HDAC8: variants seen among roughly 807,000 people sequenced by gnomAD.
The protein encoded by HDAC8 is histone deacetylase-like 1.
HDAC8 carries 1 observed loss-of-function variant against 32.2 expected under a neutral mutation model. The ratio of observed to expected loss-of-function variants is 0.03; its 90% CI spans 0.01 to 0.15. The LOEUF (loss-of-function observed/expected upper bound fraction) is 0.15. Among genes scored for constraint, HDAC8 ranks in the 10% least tolerant of loss-of-function variants. The pLI, the probability that HDAC8 is intolerant of heterozygous loss-of-function variation, is 1.00. For missense variants in HDAC8, 117 were observed against 300.0 expected, an observed-to-expected ratio of 0.39 and a Z score of 4.51; for synonymous variants, 108 against 113.9, an observed-to-expected ratio of 0.95 and a Z score of 0.33.
At chrX:72,557,656 G>A (rs782137271) in intron 4 of HDAC8, among the ~76,000 whole-genome samples, 1 of 110,732 alleles carries the variant, frequency 9.0e-6, no homozygotes, top group South Asian at 3.9e-4. Context: ...GACAATCTAA[G>A]GGCACACCTC....
At chrX:72,499,180 T>G (rs1266379428) in intron 4 of HDAC8, among the ~76,000 whole-genome samples, 1 of 111,667 alleles carries the variant, frequency 9.0e-6, no homozygotes, top group Non-Finnish European at 1.9e-5. Flanking sequence ...GCCAAATACC[T>G]CTTTTCTTTA....
rs2051420361 is a variant in HDAC8 at position 72,559,394 on chromosome X, T to C, written c.437+8495A>G. 2.7e-5 allele frequency among the ~76,000 whole-genome samples: 3 copies of C among 110,193 alleles called. No individual in the cohort carries two copies. In the South Asian group the frequency reaches 1.2e-3, roughly 44 times the overall value. ...GTGCTCAATGTTGCCCAGGCTGGAG[T>C]GCAGTGGCGTGATCTCTGCTCGCTA... On this transcript the variant is annotated intron_variant, in intron 4 of 10. Transcript: ENST00000373573.
chrX:72,330,037 T>G lies in HDAC8; in HGVS notation c.*17A>C. The G allele has an allele frequency of 8.3e-7, 1 of 1,202,209 alleles. No homozygotes were observed. The highest frequency in any genetic ancestry group is 1.1e-6 in the Non-Finnish European group (1 of 886,759). ...GCACCACTCCTCAGCTCTGGAAACC[T>G]GATCTCTTTCTGTCAACTAGACCAC... On this transcript the variant is annotated 3_prime_UTR_variant, in exon 11 of 11. Transcript: ENST00000373573.
chrX:72,395,113 T>C (rs2045725437), intron 9 of HDAC8, among the ~76,000 whole-genome samples: 1 of 112,123 alleles, frequency 8.9e-6, no homozygotes. Flanking sequence ...GGGAAAAAAG[T>C]GCTAAGAGCA....
At chrX:72,521,415 C>A (rs1210064996) in intron 4 of HDAC8, among the ~76,000 whole-genome samples, 3 of 111,330 alleles carry the variant, frequency 2.7e-5, no homozygotes, top group African/African-American at 9.8e-5. Flanking sequence ...GCAAGCAATG[C>A]ATGCCAGTGG....
At chrX:72,386,336 A>G (rs1240523599) in intron 9 of HDAC8, among the ~76,000 whole-genome samples, 3 of 112,156 alleles carry the variant, frequency 2.7e-5, no homozygotes, top group African/African-American at 9.7e-5. Context: ...ATCATGGTGA[A>G]AATGAACTGG....
chrX:72,411,587 C>T (rs1240713427), intron 9 of HDAC8, among the ~76,000 whole-genome samples: 1 of 111,562 alleles, frequency 9.0e-6, no homozygotes, highest in Non-Finnish European at 1.9e-5. Context: ...CTCTAGTATC[C>T]AGCAAATAGT....
rs782355285 is a variant in HDAC8 at position 72,408,748 on chromosome X, T to C, written c.1005+53256A>G. Among the ~76,000 whole-genome samples, 31 of 111,200 alleles carry C rather than the reference T, an allele frequency of 2.8e-4. 1 individual carries two copies. Among genetic ancestry groups the C allele is most frequent in the African/African-American group, 9.2e-4 (28 of 30,565 alleles). On this transcript the variant is annotated intron_variant, in intron 9 of 10. Coordinates refer to ENST00000373573, the MANE Select transcript of HDAC8 (RefSeq NM_018486.3). ...AGCAGAGAAAACATCCAATGTAAAA[T>C]ATGAAAGTGGGGGTATGCCAGGTAT... is the stretch of plus-strand genomic sequence containing the variant.
chrX:72,428,116 C>T (rs1214403989), intron 9 of HDAC8, among the ~76,000 whole-genome samples: 1 of 110,933 alleles, frequency 9.0e-6, no homozygotes, highest in Non-Finnish European at 1.9e-5. Flanking sequence ...TTTTTTGAGA[C>T]GGAGTCTCGC....
At chrX:72,567,560 G>T in intron 4 of HDAC8, 1 of 447,009 alleles carries the variant, frequency 2.2e-6, no homozygotes. Flanking sequence ...CTAGAAAGCC[G>T]AAAAGGAATT....
chrX:72,555,795 C>T (rs942588335), intron 4 of HDAC8, among the ~76,000 whole-genome samples: 4 of 112,212 alleles, frequency 3.6e-5, no homozygotes, highest in Non-Finnish European at 5.6e-5. Flanking sequence ...GTGTTTCCAA[C>T]GAAGAAGATA....
At chrX:72,502,294 T>A (rs1175493367) in intron 4 of HDAC8, among the ~76,000 whole-genome samples, 2 of 111,898 alleles carry the variant, frequency 1.8e-5, no homozygotes, top group African/African-American at 6.5e-5. Context: ...GGAATATAAA[T>A]CATTCTACTA....
At chrX:72,385,525 GA>G (rs1443044461) in intron 9 of HDAC8, among the ~76,000 whole-genome samples, 1 of 110,825 alleles carries the variant, frequency 9.0e-6, no homozygotes, top group Admixed American at 9.6e-5. Flanking sequence ...AAAGCACAAA[GA>G]AAAAAGATCA....
intron 7 of HDAC8, among the ~76,000 whole-genome samples, chrX:72,480,228 C>A (rs1356565118): frequency 2.7e-5 from 3 of 112,685 alleles, no homozygotes; most frequent in Admixed American, 9.4e-5. Flanking sequence ...AATGAATTAG[C>A]AGCTTCTGTT....
At chrX:72,435,155 T>C (rs2046914733) in intron 9 of HDAC8, among the ~76,000 whole-genome samples, 1 of 111,794 alleles carries the variant, frequency 8.9e-6, no homozygotes, top group African/African-American at 3.3e-5. Context: ...TTTAAGGGTA[T>C]TGGAGAATAA....
At chrX:72,557,659 C>A (rs782802944) in intron 4 of HDAC8, among the ~76,000 whole-genome samples, 76 of 110,893 alleles carry the variant, frequency 6.9e-4, no homozygotes, top group African/African-American at 2.5e-3. Context: ...AATCTAAGGG[C>A]ACACCTCATG....
intron 9 of HDAC8, among the ~76,000 whole-genome samples, chrX:72,359,736 T>C (rs1555951860): frequency 9.0e-6 from 1 of 110,540 alleles, no homozygotes. Context: ...GTGATTGCTG[T>C]GGGGATGGAG....
chrX:72,530,682 T>A (rs1556035375), intron 4 of HDAC8, among the ~76,000 whole-genome samples: 1 of 111,325 alleles, frequency 9.0e-6, no homozygotes, highest in African/African-American at 3.3e-5. Flanking sequence ...TCTGTCTGTC[T>A]GTCTGTCTGT....
At chrX:72,369,975 G>A (rs782713682) in intron 9 of HDAC8, among the ~76,000 whole-genome samples, 35 of 112,256 alleles carry the variant, frequency 3.1e-4, no homozygotes, top group Non-Finnish European at 6.0e-4. Context: ...TGCTTGCAAG[G>A]CATTTCTTTG....
Sources: gnomAD v4.1 joint callset for allele counts (sites outside exome capture counted in the v4.1 genomes callset) on GRCh38, gnomAD v4.1.1 for gene constraint, MANE v1.5 for transcripts, NCBI Gene and HGNC (gene_info 2026-07-23, HGNC 2026-07-21) for gene names.